Variants in GPHN observed in about 807,000 individuals in gnomAD.
GPHN encodes gephyrin.
GPHN carries 17 observed loss-of-function variants against 95.5 expected under a neutral mutation model. The observed-to-expected ratio is 0.18, with a 90% CI of 0.12 to 0.27. The LOEUF (loss-of-function observed/expected upper bound fraction) is 0.27. Among genes scored for constraint, GPHN ranks in the 10% least tolerant of loss-of-function variants. GPHN has a pLI of 1.00. For synonymous variants in GPHN, 320 were observed against 322.5 expected (o/e 0.99, Z 0.08); for missense variants, 660 against 978.1 (o/e 0.67, Z 4.34).
intron 8 of GPHN, among the ~76,000 whole-genome samples, chr14:66,957,358 G>C (rs1194436689): frequency 6.6e-6 from 1 of 151,716 alleles, no homozygotes; most frequent in Non-Finnish European, 1.5e-5. Flanking sequence ...ACCACACCCA[G>C]TTAATTTTTG....
At chr14:66,921,033 AT>A (rs1448862191) in intron 6 of GPHN, among the ~76,000 whole-genome samples, 1 of 152,176 alleles carries the variant, frequency 6.6e-6, no homozygotes, top group Non-Finnish European at 1.5e-5. Context: ...CGATTTTGCA[AT>A]TATGAATTAT....
chr14:67,591,530 A>G, the GPHN span, among the ~76,000 whole-genome samples: 2 of 152,134 alleles, frequency 1.3e-5, no homozygotes, highest in Non-Finnish European at 2.9e-5. Flanking sequence ...GTAATTTATT[A>G]TGTTTGTATA....
the GPHN span, among the ~76,000 whole-genome samples, chr14:67,614,198 A>T: frequency 6.6e-6 from 1 of 152,120 alleles, no homozygotes; most frequent in African/African-American, 2.4e-5. Flanking sequence ...TGGCCTCCTG[A>T]AGTGCTAGCA....
chr14:67,340,811 T>C, the GPHN span, among the ~76,000 whole-genome samples: 1 of 152,182 alleles, frequency 6.6e-6, no homozygotes, highest in Non-Finnish European at 1.5e-5. Flanking sequence ...GTGCCTGCGA[T>C]TGCAGGCGCG....
At chr14:66,867,672 G>A (rs190300599) in intron 4 of GPHN, among the ~76,000 whole-genome samples, 1 of 152,096 alleles carries the variant, frequency 6.6e-6, no homozygotes, top group Non-Finnish European at 1.5e-5. Flanking sequence ...CAGAAGTCAG[G>A]AAAATGTAAC....
intron 4 of GPHN, among the ~76,000 whole-genome samples, chr14:66,832,467 A>C (rs1209769361): frequency 6.6e-6 from 1 of 152,226 alleles, no homozygotes; most frequent in Non-Finnish European, 1.5e-5. Flanking sequence ...ATTGGTGGAT[A>C]TGTCTTAAAA....
At chr14:66,864,250 C>G (rs1372009555) in intron 4 of GPHN, among the ~76,000 whole-genome samples, 2 of 152,124 alleles carry the variant, frequency 1.3e-5, no homozygotes, top group Non-Finnish European at 2.9e-5. Context: ...AACTACAAAT[C>G]AAAACCACAA....
At chr14:67,435,907 A>G in the GPHN span, among the ~76,000 whole-genome samples, 6 of 152,124 alleles carry the variant, frequency 3.9e-5, no homozygotes, top group Non-Finnish European at 5.9e-5. Context: ...AATAAGGGGG[A>G]AAAAGAGCTT....
At chr14:66,924,386 T>G (rs1283305273) in intron 8 of GPHN, 94 bp downstream of exon 8, 1 of 760,936 alleles carries the variant, frequency 1.3e-6, no homozygotes, top group Non-Finnish European at 2.3e-6. Context: ...AGATGTGTTG[T>G]TTTATTCTGA....
At chr14:66,868,165 T>C (rs1383812590) in intron 4 of GPHN, among the ~76,000 whole-genome samples, 1 of 152,152 alleles carries the variant, frequency 6.6e-6, no homozygotes, top group African/African-American at 2.4e-5. Flanking sequence ...TTGTTATTTA[T>C]TTAAGATTAT....
At chr14:66,739,594 G>C (rs1325573213) in intron 2 of GPHN, among the ~76,000 whole-genome samples, 1 of 148,182 alleles carries the variant, frequency 6.7e-6, no homozygotes, top group Non-Finnish European at 1.5e-5. Context: ...TTAGTTTAAA[G>C]TAGTCTATGA....
At chr14:67,248,638 T>G in the GPHN span, among the ~76,000 whole-genome samples, 1 of 152,104 alleles carries the variant, frequency 6.6e-6, no homozygotes, top group South Asian at 2.1e-4. Flanking sequence ...AAGGCAGGGG[T>G]CAACAACTTT....
At chr14:67,142,691 T>G (rs1302551136) in intron 17 of GPHN, among the ~76,000 whole-genome samples, 1 of 152,196 alleles carries the variant, frequency 6.6e-6, no homozygotes, top group East Asian at 1.9e-4. Context: ...CATTTCCTAT[T>G]AGATAAACTC....
chr14:67,353,662 T>C, the GPHN span: 1 of 152,162 alleles, frequency 6.6e-6, no homozygotes, highest in Non-Finnish European at 1.5e-5. Context: ...TATATTTTTT[T>C]GTATTTTTAG....
rs1566679513 is a variant in GPHN at position 66,599,391 on chromosome 14, C to CTTTTTTTTTTTT, written c.65-81716_65-81715insTTTTTTTTTTTT. Among the ~76,000 whole-genome samples, 3 of 74,048 alleles carry CTTTTTTTTTTTT rather than the reference C, an allele frequency of 4.1e-5. No individual in the cohort carries two copies. In the African/African-American group the frequency reaches 4.8e-4, roughly 12 times the overall value. 48.6% of individuals were successfully genotyped at this position (74,048 alleles called of 152,430 possible). A position where few individuals can be genotyped will look rare whatever the true frequency, so the allele number is the denominator to read the frequency against. On this transcript the variant is annotated intron_variant, in intron 1 of 22. Transcript: ENST00000478722. ...TTCTCTGATTTTACATTTTTTTTTG[C>CTTTTTTTTTTTT]ATTTTTTTTTTTTTTTTGCTAGATG... is the stretch of plus-strand genomic sequence containing the variant.
At chr14:66,803,245 C>G (rs916215045) in intron 3 of GPHN, among the ~76,000 whole-genome samples, 2 of 152,174 alleles carry the variant, frequency 1.3e-5, no homozygotes, top group African/African-American at 4.8e-5. Flanking sequence ...GCCTGCTGTC[C>G]TTCTCCCCAG....
chr14:67,070,715 A>AAAAATATATATATATAT, intron 11 of GPHN, among the ~76,000 whole-genome samples: 19 of 80,690 alleles, frequency 2.4e-4, no homozygotes, highest in Middle Eastern at 5.6e-3. Context: ...AAAAAAAAAA[A>AAAAATATATATATATAT]ATATATATAT....
Position 67,158,662 on chromosome 14 carries a change from A to AT in GPHN, c.1837-746dup, listed in dbSNP as rs575447333. Among the ~76,000 whole-genome samples the AT allele has an allele frequency of 3.0e-3, 450 of 152,156 alleles. 3 individuals are homozygous for AT. The highest frequency in any genetic ancestry group is 0.01 in the African/African-American group (432 of 41,512). ...TTTAAGAGAAATGTTAAGGAGTGCA[A>AT]TTTTTTTCTTTCTGTCTACAACACC... On this transcript the variant is annotated intron_variant, in intron 18 of 22. Coordinates refer to ENST00000478722, the MANE Select transcript of GPHN (RefSeq NM_020806.5).
the GPHN span, among the ~76,000 whole-genome samples, chr14:67,341,991 C>T: frequency 1.3e-5 from 2 of 151,568 alleles, no homozygotes; most frequent in Non-Finnish European, 2.9e-5. Flanking sequence ...AGGCAGCATG[C>T]TCGTTAAGAG....
Sources: gnomAD v4.1 joint callset for allele counts (sites outside exome capture counted in the v4.1 genomes callset) on GRCh38, gnomAD v4.1.1 for gene constraint, MANE v1.5 for transcripts, NCBI Gene and HGNC (gene_info 2026-07-23, HGNC 2026-07-21) for gene names.